The following REDIC1 variants were observed in gnomAD, a reference collection of about 807,000 sequenced individuals.
REDIC1 encodes the protein regulator of DNA class I crossover intermediates 1, also known as HEI10 Interacting Protein 1.
the REDIC1 span, among the ~76,000 whole-genome samples, chr12:39,711,386 T>G: frequency 1.4e-5 from 2 of 138,446 alleles, no homozygotes; most frequent in African/African-American, 5.6e-5. Context: ...CATATATGTA[T>G]GTGTGTACAT....
chr12:39,902,125 A>C, the REDIC1 span, among the ~76,000 whole-genome samples: 1 of 145,914 alleles, frequency 6.9e-6, no homozygotes, highest in Non-Finnish European at 1.5e-5. Context: ...TCTCACTCAT[A>C]GGTGGGAATT....
At chr12:39,767,363 G>A in the REDIC1 span, among the ~76,000 whole-genome samples, 1 of 150,480 alleles carries the variant, frequency 6.6e-6, no homozygotes, top group African/African-American at 2.4e-5. Context: ...TCCAAACTAT[G>A]CTGTAAATAT....
At chr12:39,634,384 A>G in the REDIC1 span, among the ~76,000 whole-genome samples, 5 of 152,170 alleles carry the variant, frequency 3.3e-5, no homozygotes, top group African/African-American at 1.2e-4. Context: ...ACCTCAAACT[A>G]TACTACAAGG....
the REDIC1 span, among the ~76,000 whole-genome samples, chr12:39,677,334 T>G: frequency 6.6e-6 from 1 of 151,806 alleles, no homozygotes; most frequent in African/African-American, 2.4e-5. Flanking sequence ...CAAAAACAGT[T>G]AAAAAAGACA....
the REDIC1 span, among the ~76,000 whole-genome samples, chr12:39,882,684 C>T: frequency 2.0e-5 from 3 of 152,252 alleles, no homozygotes; most frequent in Non-Finnish European, 4.4e-5. Flanking sequence ...TGCCTCATCA[C>T]CACCAAATCT....
chr12:39,721,654 A>C, the REDIC1 span: 1 of 157,152 alleles, frequency 6.4e-6, no homozygotes, highest in Admixed American at 6.5e-5. Flanking sequence ...GTTCCCTTTC[A>C]AGATATTTAA....
At chr12:39,658,379 C>T in the REDIC1 span, among the ~76,000 whole-genome samples, 1 of 152,172 alleles carries the variant, frequency 6.6e-6, no homozygotes, top group Admixed American at 6.5e-5. Context: ...GACACCATGC[C>T]CAGCCTGGAT....
At chr12:39,714,072 C>CAT in the REDIC1 span, among the ~76,000 whole-genome samples, 1 of 7,778 alleles carries the variant, frequency 1.3e-4, no homozygotes, top group African/African-American at 2.1e-4. Flanking sequence ...TGTGTATATA[C>CAT]GTGTATATAC....
At chr12:39,776,865 C>G in the REDIC1 span, among the ~76,000 whole-genome samples, 1 of 152,126 alleles carries the variant, frequency 6.6e-6, no homozygotes, top group African/African-American at 2.4e-5. Flanking sequence ...TAAGACAGTA[C>G]TGATCCTGAT....
the REDIC1 span, among the ~76,000 whole-genome samples, chr12:39,692,827 A>G: frequency 6.6e-6 from 1 of 152,188 alleles, no homozygotes; most frequent in Admixed American, 6.5e-5. Context: ...TTGCTAGTTC[A>G]TATGATATGC....
At chr12:39,872,639 C>T in the REDIC1 span, among the ~76,000 whole-genome samples, 2 of 152,118 alleles carry the variant, frequency 1.3e-5, no homozygotes, top group Non-Finnish European at 2.9e-5. Context: ...GACCATAATG[C>T]CAGTTTGTTG....
At chr12:39,862,621 T>G in the REDIC1 span, among the ~76,000 whole-genome samples, 1 of 152,240 alleles carries the variant, frequency 6.6e-6, no homozygotes, top group Non-Finnish European at 1.5e-5. Context: ...TATCTACATT[T>G]ACAAAGTGAA....
chr12:39,834,565 T>A, the REDIC1 span, among the ~76,000 whole-genome samples: 2 of 152,080 alleles, frequency 1.3e-5, no homozygotes, highest in Non-Finnish European at 2.9e-5. Context: ...AAACTATTCC[T>A]TCTGCTACTC....
At chr12:39,640,251 C>T in the REDIC1 span, among the ~76,000 whole-genome samples, 1 of 151,758 alleles carries the variant, frequency 6.6e-6, no homozygotes, top group Non-Finnish European at 1.5e-5. Context: ...AGAGTCAGCT[C>T]ACCCCTTTTA....
chr12:39,837,854 A>G, the REDIC1 span, among the ~76,000 whole-genome samples: 1 of 151,730 alleles, frequency 6.6e-6, no homozygotes, highest in African/African-American at 2.4e-5. Flanking sequence ...GGTGCTGGAG[A>G]GGATGTGGAG....
the REDIC1 span, among the ~76,000 whole-genome samples, chr12:39,675,498 C>A: frequency 3.9e-5 from 6 of 152,172 alleles, no homozygotes; most frequent in African/African-American, 1.4e-4. Flanking sequence ...GGGCTGGAGG[C>A]CAGCCAACTC....
At chr12:39,817,868 A>G in the REDIC1 span, among the ~76,000 whole-genome samples, 2 of 152,178 alleles carry the variant, frequency 1.3e-5, no homozygotes, top group Non-Finnish European at 2.9e-5. Context: ...ACAAATGAGA[A>G]TACTCACTAC....
the REDIC1 span, among the ~76,000 whole-genome samples, chr12:39,722,805 CA>C: frequency 1.3e-3 from 196 of 152,236 alleles, no homozygotes; most frequent in Admixed American, 3.3e-3. Context: ...AATCTTGCCC[CA>C]AAAGCGGTAT....
At chr12:39,711,420 C>T in the REDIC1 span, among the ~76,000 whole-genome samples, 113,983 of 143,808 alleles carry the variant, frequency 0.79, 45,798 homozygotes, top group Non-Finnish European at 0.86. Flanking sequence ...TATATATGTA[C>T]TTATGTGTAT....
Sources: gnomAD v4.1 joint callset for allele counts (sites outside exome capture counted in the v4.1 genomes callset) on GRCh38, gnomAD v4.1.1 for gene constraint, MANE v1.5 for transcripts, NCBI Gene and HGNC (gene_info 2026-07-23, HGNC 2026-07-21) for gene names.